Variants in AFF1 observed in about 807,000 individuals in gnomAD.
AFF1 encodes the protein AF4/FMR2 family member 1.
In AFF1, 48 loss-of-function variants were observed where a neutral mutation model predicts 121.7. The ratio of observed to expected loss-of-function variants is 0.39; its 90% confidence interval spans 0.31 to 0.50. AFF1 has a LOEUF of 0.50. Among genes scored for constraint, AFF1 ranks in the 20% least tolerant of loss-of-function variants. The probability of loss-of-function intolerance (pLI) is 0.76; values close to 1 mark genes in which losing one functional copy is unlikely to be tolerated. For synonymous variants in AFF1, 613 were observed against 563.0 expected, an observed-to-expected ratio of 1.09 and a Z score of -1.26; for missense variants, 1,523 against 1,511.7, an observed-to-expected ratio of 1.01 and a Z score of -0.12.
Position 87,047,124 on chromosome 4 carries a change from A to T in AFF1, c.589A>T (p.Thr197Ser). Reference sequence around the variant, plus strand: ...TGACGGAGACCACTGTGCTTCGGTGACAGATTCGGCTCCAGAGAGGGAGCT... The same window carrying T: ...TGACGGAGACCACTGTGCTTCGGTGTCAGATTCGGCTCCAGAGAGGGAGCT... Reference protein sequence around the residue: ...RADGDHCASVTDSAPERELSP... With the variant: ...RADGDHCASVSDSAPERELSP... The change falls in exon 4 of 21, where the codon ACA becomes TCA. Residue 197 changes from threonine to serine, a missense_variant. By Grantham distance (58) the Thr-to-Ser change is moderately conservative (BLOSUM62 1). Coordinates refer to ENST00000395146, the MANE Select transcript of AFF1 (RefSeq NM_001166693.3). 6.2e-7 allele frequency: 1 copy of T among 1,614,208 alleles called. No individual in the cohort carries two copies. The highest frequency in any genetic ancestry group is 8.5e-7 in the Non-Finnish European group (1 of 1,180,050).
intron 4 of AFF1, among the ~76,000 whole-genome samples, chr4:87,068,490 G>GA (rs1406848676): frequency 6.6e-6 from 1 of 152,190 alleles, no homozygotes; most frequent in African/African-American, 2.4e-5. Flanking sequence ...CATCAGCCTT[G>GA]AAAACAAAGG....
chr4:87,060,867 A>AAAAAC (rs1560586070), intron 4 of AFF1, among the ~76,000 whole-genome samples: 2 of 41,066 alleles, frequency 4.9e-5, no homozygotes, highest in Non-Finnish European at 8.9e-5. Flanking sequence ...AAAAAAAAAA[A>AAAAAC]CACAAAAAAA....
At chr4:87,095,319 A>G (rs1724723357) in intron 8 of AFF1, among the ~76,000 whole-genome samples, 1 of 152,130 alleles carries the variant, frequency 6.6e-6, no homozygotes, top group Admixed American at 6.5e-5. Context: ...GGGTTTCACC[A>G]TATTGGCCAG....
chr4:86,972,020 C>T (rs1722980657), intron 2 of AFF1, among the ~76,000 whole-genome samples: 1 of 150,270 alleles, frequency 6.7e-6, no homozygotes, highest in African/African-American at 2.5e-5. Context: ...TGCCTGTAGA[C>T]TCAGCTACAT....
In AFF1 at chr4:87,138,546, CTGTT is replaced by C. The variant is rs1729481719; in HGVS notation, c.*2847_*2850del. 1 of 231,710 alleles carries C rather than the reference CTGTT, an allele frequency of 4.3e-6. No individual in the cohort carries two copies. The highest frequency in any genetic ancestry group is 8.5e-6 in the Non-Finnish European group (1 of 117,468). The allele number at this position is 231,710 out of a possible 1,614,324, so 14.4% of individuals were successfully genotyped here. On this transcript the variant is annotated 3_prime_UTR_variant, in exon 21 of 21. Transcript: ENST00000395146. ...GTCTTTAGTAGGAAATGGAAGAACA[CTGTT>C]TTATTTTTTAAAGTGTTTAATGTTT...
intron 15 of AFF1, 96 bp from the exon 16 acceptor site, chr4:87,127,547 C>T: frequency 8.9e-7 from 1 of 1,118,252 alleles, no homozygotes; most frequent in Non-Finnish European, 1.3e-6. Context: ...CCTCCCCTTG[C>T]TGTCCTCCCA....
At chr4:87,076,185 C>T (rs1201243804) in intron 4 of AFF1, among the ~76,000 whole-genome samples, 2 of 152,242 alleles carry the variant, frequency 1.3e-5, no homozygotes, top group South Asian at 2.1e-4. Context: ...ATTCCTTGTT[C>T]GTTTCATAAT....
In AFF1 at chr4:87,125,101, C is replaced by T. The variant is rs199738777; in HGVS notation, c.2531C>T (p.Ser844Leu). The change falls in exon 13 of 21, where the codon TCA becomes TTA. Residue 844 changes from serine to leucine, a missense_variant. By Grantham distance (145) the Ser-to-Leu change is moderately radical. Around this residue, in one of 5 missense-constraint regions of AFF1, gnomAD observed 905 missense variants for 842.5 expected, o/e 1.07. Transcript: ENST00000395146. The part of the protein sequence containing the change: ...IRLEKEIKSQ[S>L]SSSSSSHKES... ...CTGGAGAAGGAAATCAAATCACAGT[C>T]ATCTTCATCTTCATCCTCCCACAAA... 1.4e-5 allele frequency: 22 copies of T among 1,609,334 alleles called. No individual in the cohort carries two copies. In the East Asian group the frequency reaches 4.9e-4, roughly 36 times the overall value.
intron 1 of AFF1, among the ~76,000 whole-genome samples, chr4:86,945,533 C>G (rs1454746712): frequency 1.7e-5 from 2 of 120,262 alleles, no homozygotes; most frequent in Admixed American, 2.1e-4. Flanking sequence ...GACAGGGTCT[C>G]TGTTACCCAG....
chr4:87,006,917 G>T, intron 2 of AFF1: 1 of 999,100 alleles, frequency 1.0e-6, no homozygotes, highest in Non-Finnish European at 1.2e-6. Flanking sequence ...TTAAGTAGGC[G>T]GGCCGTACCA....
chr4:87,122,928 T>C (rs1727860329), intron 12 of AFF1, among the ~76,000 whole-genome samples: 1 of 148,170 alleles, frequency 6.7e-6, no homozygotes, highest in African/African-American at 2.5e-5. Flanking sequence ...ACAGTCTCAT[T>C]CTGATGCCCA....
chr4:86,971,296 C>G (rs1722928750), intron 2 of AFF1, among the ~76,000 whole-genome samples: 1 of 152,148 alleles, frequency 6.6e-6, no homozygotes, highest in East Asian at 1.9e-4. Context: ...TCCTAGCATG[C>G]ATTATAACAT....
intron 2 of AFF1, among the ~76,000 whole-genome samples, chr4:86,952,980 C>T (rs1454632881): frequency 2.1e-5 from 3 of 140,490 alleles, no homozygotes; most frequent in Admixed American, 7.4e-5. Flanking sequence ...CCACCTTCAG[C>T]CTCCCAAAGT....
At chr4:87,020,421 A>G (rs1349519922) in intron 2 of AFF1, among the ~76,000 whole-genome samples, 1 of 152,210 alleles carries the variant, frequency 6.6e-6, no homozygotes, top group Admixed American at 6.5e-5. Flanking sequence ...AGAGATGAAT[A>G]AAAGCCTCAT....
intron 2 of AFF1, among the ~76,000 whole-genome samples, chr4:86,987,926 T>C (rs896570145): frequency 7.2e-6 from 1 of 137,946 alleles, no homozygotes; most frequent in Non-Finnish European, 1.6e-5. Context: ...GCACTTCAGC[T>C]TGGGGGACAG....
intron 8 of AFF1, among the ~76,000 whole-genome samples, chr4:87,104,581 C>T (rs1025780388): frequency 2.0e-5 from 3 of 152,136 alleles, no homozygotes; most frequent in Non-Finnish European, 2.9e-5. Flanking sequence ...AGCCAAGTTT[C>T]GTTCATTTTC....
rs551852760 is a variant in AFF1, at chr4:87,023,491, C to T, written c.39-22675C>T. ...ATTCATTTATTTGAGAAGAAATTTT[C>T]TATTTTAATTCAACAATGACTTTTT... On this transcript the variant is annotated intron_variant, in intron 2 of 20. Transcript: ENST00000395146. Among the ~76,000 whole-genome samples, 18 of 152,220 alleles carry T rather than the reference C, an allele frequency of 1.2e-4. 1 individual carries two copies. In the South Asian group the frequency reaches 3.7e-3, roughly 32 times the overall value.
chr4:87,019,681 C>G (rs1159706390), intron 2 of AFF1, among the ~76,000 whole-genome samples: 1 of 152,226 alleles, frequency 6.6e-6, no homozygotes, highest in East Asian at 1.9e-4. Context: ...CACCACGCCC[C>G]TTCCCCCATA....
At chr4:87,007,749 A>G (rs975422257) in intron 2 of AFF1, among the ~76,000 whole-genome samples, 1 of 152,070 alleles carries the variant, frequency 6.6e-6, no homozygotes, top group Non-Finnish European at 1.5e-5. Flanking sequence ...TTCCATTTAG[A>G]TTCTTTGTGC....
Sources: allele counts gnomAD v4.1 joint callset (sites outside exome capture counted in the v4.1 genomes callset), GRCh38; gene constraint gnomAD v4.1.1; regional missense constraint gnomAD v4.1.1; transcripts MANE v1.5; gene names NCBI Gene and HGNC (gene_info 2026-07-23, HGNC 2026-07-21).